INPP4B: variants seen among roughly 807,000 people sequenced by gnomAD.
INPP4B encodes the protein inositol polyphosphate 4-phosphatase type II.
INPP4B carries 55 observed loss-of-function variants against 122.5 expected under a neutral mutation model. That is an observed-to-expected ratio of 0.45 (90% confidence interval 0.36 to 0.56). INPP4B has a LOEUF of 0.56. Among genes scored for constraint, INPP4B ranks in the 20% least tolerant of loss-of-function variants. The pLI, the probability that INPP4B is intolerant of heterozygous loss-of-function variation, is 0.00. For synonymous variants in INPP4B, 403 were observed against 388.7 expected, an observed-to-expected ratio of 1.04 and a Z score of -0.43; for missense variants, 1,000 against 1,097.7, an observed-to-expected ratio of 0.91 and a Z score of 1.26.
intron 2 of INPP4B, among the ~76,000 whole-genome samples, chr4:142,584,430 C>T (rs948816875): frequency 6.6e-6 from 1 of 152,146 alleles, no homozygotes; most frequent in Non-Finnish European, 1.5e-5. Context: ...TTCAATTAGA[C>T]ATTGTATCTC....
At position 142,346,637 on chromosome 4, in the gene INPP4B, A is replaced by G. The variant is rs532794011; in HGVS notation, c.373-31875T>C. ...CAAAAAAATTGAAACAGAGGGCTTG[A>G]GAGCTACTTAAAAAGATAAATTTTC... On this transcript the variant is annotated intron_variant, in intron 7 of 25. Coordinates refer to ENST00000262992, the MANE Select transcript of INPP4B (RefSeq NM_001101669.3). Among the ~76,000 whole-genome samples, 3 of 152,168 alleles carry G rather than the reference A, an allele frequency of 2.0e-5. No individual in the cohort carries two copies. In the South Asian group the frequency reaches 6.2e-4, roughly 32 times the overall value.
intron 2 of INPP4B, among the ~76,000 whole-genome samples, chr4:142,596,506 G>C (rs1738724714): frequency 6.6e-6 from 1 of 152,160 alleles, no homozygotes; most frequent in Non-Finnish European, 1.5e-5. Context: ...GCCAGCAGAA[G>C]AGCCATCCAA....
intron 1 of INPP4B, among the ~76,000 whole-genome samples, chr4:142,757,747 G>A (rs1194073939): frequency 6.6e-6 from 1 of 152,078 alleles, no homozygotes; most frequent in Non-Finnish European, 1.5e-5. Context: ...CCACGTGCAG[G>A]GTTTTCAATT....
intron 1 of INPP4B, among the ~76,000 whole-genome samples, chr4:142,834,436 T>C (rs73850580): frequency 0.021 from 3,218 of 152,214 alleles, 110 homozygotes; most frequent in African/African-American, 0.073. Flanking sequence ...TGGCCACCAT[T>C]CCATTTGCTT....
intron 1 of INPP4B, among the ~76,000 whole-genome samples, chr4:142,745,606 C>A (rs186467784): frequency 6.6e-6 from 1 of 151,782 alleles, no homozygotes; most frequent in Admixed American, 6.6e-5. Context: ...ATACTCTATA[C>A]GGGAGACTTT....
chr4:142,230,305 C>T (rs1363970777), intron 12 of INPP4B, among the ~76,000 whole-genome samples: 1 of 151,978 alleles, frequency 6.6e-6, no homozygotes, highest in Non-Finnish European at 1.5e-5. Flanking sequence ...AGGAAACAAA[C>T]CTCTCTCTAC....
chr4:142,187,747 C>T (rs1272329225), intron 15 of INPP4B, among the ~76,000 whole-genome samples: 3 of 151,594 alleles, frequency 2.0e-5, no homozygotes, highest in African/African-American at 7.3e-5. Context: ...GCACATACTA[C>T]CAAGCCTGAC....
intron 1 of INPP4B, among the ~76,000 whole-genome samples, chr4:142,830,254 G>A (rs1463610165): frequency 6.6e-6 from 1 of 152,122 alleles, no homozygotes; most frequent in African/African-American, 2.4e-5. Flanking sequence ...GAAAACCAAA[G>A]CAAGAATTTT....
intron 2 of INPP4B, among the ~76,000 whole-genome samples, chr4:142,595,347 T>C (rs1738473479): frequency 6.6e-6 from 1 of 152,044 alleles, no homozygotes; most frequent in Non-Finnish European, 1.5e-5. Context: ...CAGCTACCAA[T>C]TAATATATTA....
chr4:142,625,798 G>A (rs1315812714), intron 2 of INPP4B, among the ~76,000 whole-genome samples: 1 of 152,072 alleles, frequency 6.6e-6, no homozygotes, highest in African/African-American at 2.4e-5. Flanking sequence ...TAGATCAATG[G>A]AACAGAACAG....
At chr4:142,626,263 G>A (rs116742677) in intron 2 of INPP4B, among the ~76,000 whole-genome samples, 2,053 of 152,150 alleles carry the variant, frequency 0.013, 35 homozygotes, top group African/African-American at 0.039. Context: ...CATCCCCATG[G>A]TTAGGTTAAT....
chr4:142,266,522 A>T (rs1742905557), intron 10 of INPP4B, among the ~76,000 whole-genome samples: 1 of 152,206 alleles, frequency 6.6e-6, no homozygotes, highest in Non-Finnish European at 1.5e-5. Flanking sequence ...ACCATCTTCC[A>T]TGCAGCAGTT....
intron 7 of INPP4B, among the ~76,000 whole-genome samples, chr4:142,390,333 T>C (rs1797264014): frequency 2.0e-5 from 3 of 152,212 alleles, no homozygotes. Flanking sequence ...GGCAAGAGTT[T>C]GGAAAGCGGA....
At chr4:142,029,866 G>T in intron 25 of INPP4B, 2 of 1,101,774 alleles carry the variant, frequency 1.8e-6, no homozygotes, top group Non-Finnish European at 2.2e-6. Flanking sequence ...TCTGTTCTTT[G>T]TCTTATTCCA....
intron 2 of INPP4B, among the ~76,000 whole-genome samples, chr4:142,661,788 G>T (rs1489597459): frequency 6.6e-6 from 1 of 152,194 alleles, no homozygotes; most frequent in African/African-American, 2.4e-5. Flanking sequence ...TACAGATACT[G>T]CAAGTCTTTC....
At chr4:142,492,149 A>G (rs1821960852) in intron 2 of INPP4B, among the ~76,000 whole-genome samples, 1 of 152,074 alleles carries the variant, frequency 6.6e-6, no homozygotes, top group African/African-American at 2.4e-5. Context: ...GAGTAGAAGG[A>G]TGTGTTTGCT....
chr4:142,062,506 C>T lies in INPP4B; in HGVS notation c.2642+19525G>A, dbSNP rs536728727. Among the ~76,000 whole-genome samples, 13 of 152,204 alleles carry T rather than the reference C, an allele frequency of 8.5e-5. 1 individual carries two copies. The South Asian group carries it at 1.5e-3, about 17-fold the overall frequency. ...CCAGCAGCACTTTGGGAGGCTGAGG[C>T]GGGTGGATCACCTGAGGTCAAGAGA... On this transcript the variant is annotated intron_variant, in intron 25 of 25. Coordinates refer to ENST00000262992, the MANE Select transcript of INPP4B (RefSeq NM_001101669.3).
intron 2 of INPP4B, among the ~76,000 whole-genome samples, chr4:142,624,046 T>C (rs1247815983): frequency 1.3e-5 from 2 of 151,962 alleles, no homozygotes; most frequent in African/African-American, 4.8e-5. Flanking sequence ...CATGTGTCTT[T>C]AAAGCAGCAT....
At chr4:142,343,259 A>G (rs1326474154) in intron 7 of INPP4B, among the ~76,000 whole-genome samples, 2 of 152,070 alleles carry the variant, frequency 1.3e-5, no homozygotes, top group East Asian at 3.9e-4. Flanking sequence ...TGTGGAGCAA[A>G]GAGGTCCCAC....
Sources: gnomAD v4.1 joint callset for allele counts (sites outside exome capture counted in the v4.1 genomes callset) on GRCh38, gnomAD v4.1.1 for gene constraint, MANE v1.5 for transcripts, NCBI Gene and HGNC (gene_info 2026-07-23, HGNC 2026-07-21) for gene names.